The following IFT56 variants were observed in gnomAD, a reference collection of about 807,000 sequenced individuals.
IFT56 encodes intraflagellar transport protein 56.
the IFT56 span, among the ~76,000 whole-genome samples, chr7:139,170,297 T>C: frequency 6.6e-6 from 1 of 152,148 alleles, no homozygotes; most frequent in Non-Finnish European, 1.5e-5. Context: ...GAAAAACTAA[T>C]ACCAATCCTA....
At chr7:139,174,609 C>T in the IFT56 span, among the ~76,000 whole-genome samples, 5 of 152,024 alleles carry the variant, frequency 3.3e-5, no homozygotes, top group African/African-American at 1.2e-4. Context: ...AAATGTTTGC[C>T]ATCTGACAAG....
the IFT56 span, among the ~76,000 whole-genome samples, chr7:139,149,750 G>A: frequency 1.3e-5 from 2 of 152,040 alleles, no homozygotes; most frequent in African/African-American, 2.4e-5. Context: ...GTGGTTAGAG[G>A]CTATTGTAGT....
chr7:139,155,048 A>G, the IFT56 span, among the ~76,000 whole-genome samples: 1 of 152,004 alleles, frequency 6.6e-6, no homozygotes, highest in Non-Finnish European at 1.5e-5. Flanking sequence ...TCTTTTGATA[A>G]ATTTATTACT....
chr7:139,156,436 CT>C, the IFT56 span, among the ~76,000 whole-genome samples: 2 of 148,416 alleles, frequency 1.3e-5, no homozygotes, highest in South Asian at 4.3e-4. Context: ...TTCTTATTTT[CT>C]TTTTTAAATA....
the IFT56 span, among the ~76,000 whole-genome samples, chr7:139,180,731 T>C: frequency 0.25 from 37,365 of 151,686 alleles, 8,301 homozygotes; most frequent in African/African-American, 0.56. Flanking sequence ...ATTAAATGTT[T>C]ACTGAATTTT....
the IFT56 span, among the ~76,000 whole-genome samples, chr7:139,135,314 T>C: frequency 3.3e-4 from 50 of 151,548 alleles, 1 homozygote; most frequent in Admixed American, 3.1e-3. Flanking sequence ...CAAAACTTAT[T>C]TCTTGAGGGC....
At chr7:139,140,040 T>C in the IFT56 span, 25 of 1,315,082 alleles carry the variant, frequency 1.9e-5, no homozygotes, top group Non-Finnish European at 2.4e-5. Context: ...TCTTCATTCA[T>C]AGTTAAGAGT....
chr7:139,164,577 C>T, the IFT56 span, among the ~76,000 whole-genome samples: 11 of 152,030 alleles, frequency 7.2e-5, no homozygotes, highest in African/African-American at 9.7e-5. Context: ...ATTTAGATCA[C>T]GGCTTTCTTT....
the IFT56 span, chr7:139,173,844 G>T: frequency 1.4e-6 from 1 of 712,986 alleles, no homozygotes; most frequent in East Asian, 2.5e-5. Context: ...CAGAACTTCA[G>T]GTATTTCTAT....
the IFT56 span, chr7:139,172,720 T>C: frequency 3.2e-6 from 2 of 626,390 alleles, no homozygotes; most frequent in Admixed American, 1.8e-5. Context: ...GCAAATGTTA[T>C]ACCCCATAAA....
At chr7:139,178,589 G>A in the IFT56 span, 7 of 1,614,026 alleles carry the variant, frequency 4.3e-6, no homozygotes, top group South Asian at 7.7e-5. Context: ...ATACCAGTGA[G>A]GGCGAAGAGG....
At chr7:139,163,629 A>G in the IFT56 span, among the ~76,000 whole-genome samples, 1 of 152,206 alleles carries the variant, frequency 6.6e-6, no homozygotes, top group African/African-American at 2.4e-5. Context: ...ATAGGGCACT[A>G]TCCAGAGGAA....
At chr7:139,141,941 G>C in the IFT56 span, among the ~76,000 whole-genome samples, 2 of 152,170 alleles carry the variant, frequency 1.3e-5, no homozygotes, top group South Asian at 4.1e-4. Flanking sequence ...TGTTTGGTTT[G>C]GTATATGAAC....
At chr7:139,135,283 AAAAAAAAAAAAAAAAC>A in the IFT56 span, among the ~76,000 whole-genome samples, 19 of 144,692 alleles carry the variant, frequency 1.3e-4, no homozygotes, top group African/African-American at 5.4e-4. Context: ...GTCTCAAAAA[AAAAAAAAAAAAAAAAC>A]AAAACAAAAC....
the IFT56 span, chr7:139,166,817 A>G: frequency 3.4e-6 from 5 of 1,459,660 alleles, no homozygotes; most frequent in Non-Finnish European, 4.8e-6. Context: ...ACAGACTAGT[A>G]TAATTACTTT....
chr7:139,188,663 G>A, the IFT56 span, among the ~76,000 whole-genome samples: 2 of 152,182 alleles, frequency 1.3e-5, no homozygotes, highest in Non-Finnish European at 2.9e-5. Flanking sequence ...TAGGTTCATA[G>A]GCAGTCGCCT....
the IFT56 span, chr7:139,134,790 G>C: frequency 6.2e-7 from 1 of 1,612,872 alleles, no homozygotes; most frequent in Non-Finnish European, 8.5e-7. Context: ...TACCCTGTTG[G>C]AGGTAATGCC....
chr7:139,182,474 T>A, the IFT56 span, among the ~76,000 whole-genome samples: 3 of 152,292 alleles, frequency 2.0e-5, no homozygotes, highest in Admixed American at 2.0e-4. Flanking sequence ...TATTTCAGTT[T>A]TAGATGTATT....
chr7:139,152,191 A>G, the IFT56 span, among the ~76,000 whole-genome samples: 4 of 152,234 alleles, frequency 2.6e-5, no homozygotes, highest in Admixed American at 6.5e-5. Context: ...CAGTAGCACA[A>G]TCATAGCTCA....
Sources: gnomAD v4.1 joint callset for allele counts (sites outside exome capture counted in the v4.1 genomes callset) on GRCh38, gnomAD v4.1.1 for gene constraint, MANE v1.5 for transcripts, NCBI Gene and HGNC (gene_info 2026-07-23, HGNC 2026-07-21) for gene names.